PSMG4: variants seen among roughly 807,000 people sequenced by gnomAD.
PSMG4 encodes proteasome assembly chaperone 4, also known as proteasome (prosome, macropain) assembly chaperone 4.
In PSMG4, 10 loss-of-function variants were observed where a neutral mutation model predicts 11.0. That is an observed-to-expected ratio of 0.91 (90% CI 0.56 to 1.54). The LOEUF is 1.54. Ranked by LOEUF, PSMG4 falls within the 40% of genes most tolerant of loss-of-function variation. The pLI is 0.00. For synonymous variants in PSMG4, 95 were observed against 71.3 expected (o/e 1.33, Z -1.68); for missense variants, 198 against 160.9 (o/e 1.23, Z -1.25).
At chr6:3,263,903 A>G in intron 2 of PSMG4, 144 bp downstream of exon 2, 1 of 1,446,626 alleles carries the variant, frequency 6.9e-7, no homozygotes, top group Non-Finnish European at 9.2e-7. Flanking sequence ...AGACCTTTGC[A>G]CGTTGGGTCT....
At chr6:3,259,745 A>G (rs1248745000) in intron 1 of PSMG4, among the ~76,000 whole-genome samples, 1 of 151,956 alleles carries the variant, frequency 6.6e-6, no homozygotes, top group African/African-American at 2.4e-5. Flanking sequence ...GTCCCTAGGC[A>G]CTGCCGCCAG....
At chr6:3,258,759 CAG>C (rs924042827), upstream of PSMG4, 1 of 334,806 alleles carries the variant, frequency 3.0e-6, no homozygotes, top group Non-Finnish European at 5.4e-6. Context: ...CCAGCCCGTC[CAG>C]AGAGGTACTG....
chr6:3,255,224 A>G (rs757787531), upstream of PSMG4: 7 of 1,549,478 alleles, frequency 4.5e-6, no homozygotes, highest in South Asian at 1.2e-5. Flanking sequence ...AGCAAAATCA[A>G]CTCTGGTAAG....
intron 1 of PSMG4, 89 bp from the exon 2 acceptor site, chr6:3,263,595 T>A: frequency 8.8e-7 from 1 of 1,141,326 alleles, no homozygotes; most frequent in Non-Finnish European, 1.2e-6. Context: ...ACTGCCATCG[T>A]CGTGAAGAAT....
At chr6:3,265,420 G>C (rs917048408) in intron 2 of PSMG4, 1 of 152,262 alleles carries the variant, frequency 6.6e-6, no homozygotes, top group Non-Finnish European at 1.5e-5. Context: ...TGGCCAAGGG[G>C]ACCCAACCTC....
upstream of PSMG4, among the ~76,000 whole-genome samples, chr6:3,257,013 C>T (rs78611738): frequency 6.8e-4 from 103 of 152,256 alleles, no homozygotes; most frequent in African/African-American, 2.2e-3. Context: ...GATTGACCTT[C>T]TGTACAAGGA....
upstream of PSMG4, among the ~76,000 whole-genome samples, chr6:3,256,160 G>A (rs1410206840): frequency 6.6e-6 from 1 of 152,198 alleles, no homozygotes; most frequent in African/African-American, 2.4e-5. Context: ...TTTTTGACAT[G>A]CTTGCTTGGC....
upstream of PSMG4, among the ~76,000 whole-genome samples, chr6:3,255,953 C>T (rs1757748142): frequency 1.3e-5 from 2 of 152,220 alleles, no homozygotes; most frequent in Non-Finnish European, 2.9e-5. Flanking sequence ...GGCATTATCA[C>T]ACCACTCTAG....
chr6:3,265,582 T>C (rs1025389973), intron 2 of PSMG4: 2 of 152,318 alleles, frequency 1.3e-5, no homozygotes, highest in African/African-American at 4.8e-5. Flanking sequence ...GCCCCTGGGA[T>C]ATAGGGCAGG....
chr6:3,255,282 T>G, upstream of PSMG4: 1 of 1,536,492 alleles, frequency 6.5e-7, no homozygotes, highest in South Asian at 1.2e-5. Context: ...CTTACGGGTC[T>G]ATCGGTGCCC....
rs1758090408 is a variant in PSMG4, at chr6:3,263,984, TC to T, written c.250+228del. 3.8e-6 allele frequency: 5 copies of T among 1,305,460 alleles called. No individual in the cohort carries two copies. In the South Asian group the frequency reaches 4.7e-5, roughly 12 times the overall value. The allele number at this position is 1,305,460 out of a possible 1,614,324, so 80.9% of individuals were successfully genotyped here. A position where few individuals can be genotyped will look rare whatever the true frequency, so the allele number is the denominator to read the frequency against. ...CAGGGCTGGCCTGTTCCCAAAGGACTCCCACCTCGTCCTTGGGTGTGTCCTT... is the reference window on the plus strand; with the variant it reads ...CAGGGCTGGCCTGTTCCCAAAGGACTCCACCTCGTCCTTGGGTGTGTCCTT... On this transcript the variant is annotated intron_variant, in intron 2 of 2. Coordinates refer to ENST00000438998, the MANE Select transcript of PSMG4 (RefSeq NM_001128591.2).
intron 2 of PSMG4, chr6:3,264,287 C>G (rs752915832): frequency 1.9e-6 from 3 of 1,551,234 alleles, no homozygotes; most frequent in East Asian, 2.4e-5. Flanking sequence ...GCTGAATGCT[C>G]CACTCTTCCC....
chr6:3,267,570 C>G, intron 2 of PSMG4, 21 bp from the exon 3 acceptor site: 1 of 1,550,256 alleles, frequency 6.5e-7, no homozygotes, highest in Non-Finnish European at 8.7e-7. Context: ...GTGGCTGTAT[C>G]AATGTGTTTT....
chr6:3,266,986 G>A (rs2127265675), intron 2 of PSMG4: 1 of 151,082 alleles, frequency 6.6e-6, no homozygotes, highest in East Asian at 2.0e-4. Context: ...CTCCCGAGTA[G>A]CTGGGACTAC....
intron 2 of PSMG4, chr6:3,264,448 CT>C: frequency 7.0e-7 from 1 of 1,436,994 alleles, no homozygotes; most frequent in Non-Finnish European, 9.2e-7. Flanking sequence ...GCTCTGGAGT[CT>C]TCTCTGTGTC....
At chr6:3,267,076 C>CG (rs1477861816) in intron 2 of PSMG4, 1 of 152,144 alleles carries the variant, frequency 6.6e-6, no homozygotes. Context: ...AGGATGGTCT[C>CG]GATCTCCTGA....
At position 3,267,698 on chromosome 6, in the gene PSMG4, C is replaced by T; in HGVS notation, c.358C>T (p.Pro120Ser). The T allele has an allele frequency of 6.4e-7, 1 of 1,552,112 alleles. No individual in the cohort carries two copies. Among genetic ancestry groups the T allele is most frequent in the Non-Finnish European group, 8.7e-7 (1 of 1,146,994 alleles). The change falls in exon 3 of 3, where the codon CCC becomes TCC. Residue 120 changes from proline to serine, a missense_variant. Coordinates refer to ENST00000438998, the MANE Select transcript of PSMG4 (RefSeq NM_001128591.2). ...GATCAAGGAAGAGATGGAGGCTTTC[C>T]CCGAAAAGTTCTAGCTGAGTGGCAG... Reference protein sequence around the residue: ...NRIKEEMEAFPEKF With the variant: ...NRIKEEMEAFSEKF
At chr6:3,254,451 C>T (rs527876323), upstream of PSMG4, among the ~76,000 whole-genome samples, 164 of 151,826 alleles carry the variant, frequency 1.1e-3, no homozygotes, top group African/African-American at 3.6e-3. Context: ...TAGTTTTCTG[C>T]TTTTTTTGTG....
intron 2 of PSMG4, 179 bp downstream of exon 2, chr6:3,263,938 C>A: frequency 7.1e-7 from 1 of 1,398,894 alleles, no homozygotes. Flanking sequence ...ATTCCATGCT[C>A]GCCTGTCATC....
Sources: allele counts gnomAD v4.1 joint callset (sites outside exome capture counted in the v4.1 genomes callset), GRCh38; gene constraint gnomAD v4.1.1; transcripts MANE v1.5; gene names NCBI Gene and HGNC (gene_info 2026-07-23, HGNC 2026-07-21).